NIPBL: variants seen among roughly 807,000 people sequenced by gnomAD.
The protein encoded by NIPBL is NIPBL cohesin loading factor, also known as nipped-B-like protein.
Under a neutral mutation model 321.8 loss-of-function variants are expected in NIPBL, and 19 were observed. The ratio of observed to expected loss-of-function variants is 0.06; its 90% CI spans 0.04 to 0.09. The LOEUF is 0.09. Among genes scored for constraint, NIPBL ranks in the 10% least tolerant of loss-of-function variants. The pLI is 1.00. For synonymous variants in NIPBL, 1,106 were observed against 1,114.1 expected (o/e 0.99, Z 0.14); for missense variants, 2,210 against 3,327.0 (o/e 0.66, Z 8.26).
chr5:37,027,492 TGTATGATTTAAAAGAACC>T, intron 32 of NIPBL, 80 bp downstream of exon 32: 9 of 1,012,390 alleles, frequency 8.9e-6, no homozygotes, highest in Non-Finnish European at 1.4e-5. Flanking sequence ...TTTTTTGGAC[TGTATGATTTAAAAGAACC>T]TTTTTAGTTC....
At chr5:37,019,916 A>G (rs1239825430) in intron 25 of NIPBL, among the ~76,000 whole-genome samples, 2 of 152,218 alleles carry the variant, frequency 1.3e-5, no homozygotes, top group Admixed American at 6.5e-5. Flanking sequence ...CTGGTGGGAT[A>G]TGCAATTGAA....
At chr5:37,036,026 A>T (rs1054520111) in intron 32 of NIPBL, among the ~76,000 whole-genome samples, 1 of 152,080 alleles carries the variant, frequency 6.6e-6, no homozygotes, top group Non-Finnish European at 1.5e-5. Flanking sequence ...TTCAACTAGT[A>T]TTATGTGATA....
intron 1 of NIPBL, among the ~76,000 whole-genome samples, chr5:36,952,053 T>TGTGTGTGTGTGTGTGTGTGCGTGCGCGC (rs778597604): frequency 2.7e-5 from 3 of 112,114 alleles, no homozygotes; most frequent in African/African-American, 6.2e-5. Flanking sequence ...TGTGTGTGTG[T>TGTGTGTGTGTGTGTGTGTGCGTGCGCGC]GCGCGCGCGC....
intron 1 of NIPBL, among the ~76,000 whole-genome samples, chr5:36,931,663 T>C (rs1267782665): frequency 1.3e-5 from 2 of 152,140 alleles, no homozygotes; most frequent in East Asian, 3.8e-4. Flanking sequence ...CTCTCCTTCA[T>C]TTCTGATTTT....
chr5:36,961,433 C>T lies in NIPBL; in HGVS notation c.359-51C>T, dbSNP rs747088520. ...TAACTGATTTCAGTTATTTAAAGGACACTTTACTGTTAGAAGAAAATAACG... is the reference window on the plus strand; with the variant it reads ...TAACTGATTTCAGTTATTTAAAGGATACTTTACTGTTAGAAGAAAATAACG... On this transcript the variant is annotated intron_variant, in intron 4 of 46. Coordinates refer to ENST00000282516, the MANE Select transcript of NIPBL (RefSeq NM_133433.4). 8 of 1,037,064 alleles carry T rather than the reference C, an allele frequency of 7.7e-6. No individual in the cohort carries two copies. The Admixed American group carries it at 1.4e-4, about 18-fold the overall frequency. 64.2% of individuals were successfully genotyped at this position (1,037,064 alleles called of 1,614,324 possible). A position where few individuals can be genotyped will look rare whatever the true frequency, so the allele number is the denominator to read the frequency against.
At chr5:37,036,347 GTATATATATA>G (rs10554564) in intron 32 of NIPBL, 22 bp from the exon 33 acceptor site, 6 of 384,512 alleles carry the variant, frequency 1.6e-5, no homozygotes, top group African/African-American at 2.4e-5. Flanking sequence ...ATATATATAT[GTATATATATA>G]TATATATATA....
intron 9 of NIPBL, among the ~76,000 whole-genome samples, chr5:36,977,416 A>G (rs1743601551): frequency 6.6e-6 from 1 of 151,874 alleles, no homozygotes; most frequent in Admixed American, 6.6e-5. Flanking sequence ...CATGCTGAAG[A>G]TTAGTATTAT....
chr5:36,946,656 C>G (rs1405197160), intron 1 of NIPBL, among the ~76,000 whole-genome samples: 1 of 151,778 alleles, frequency 6.6e-6, no homozygotes, highest in Non-Finnish European at 1.5e-5. Context: ...AAAAAATTAA[C>G]ATTAGCAAAG....
chr5:36,941,567 A>G (rs995647880), intron 1 of NIPBL, among the ~76,000 whole-genome samples: 5 of 150,624 alleles, frequency 3.3e-5, no homozygotes, highest in African/African-American at 7.3e-5. Context: ...AGGTTTAATT[A>G]AAGAGTTTGT....
intron 11 of NIPBL, among the ~76,000 whole-genome samples, chr5:37,000,035 C>T (rs1174754029): frequency 6.6e-6 from 1 of 152,104 alleles, no homozygotes; most frequent in Non-Finnish European, 1.5e-5. Flanking sequence ...GTTTTACAGC[C>T]TCAATTAATC....
rs904487205 is a variant in NIPBL at position 37,066,000 on chromosome 5, T to C, written c.*1108T>C. 7 of 152,232 alleles carry C rather than the reference T, an allele frequency of 4.6e-5. No homozygotes were observed. The highest frequency in any genetic ancestry group is 3.9e-4 in the Admixed American group (6 of 15,272). 9.4% of individuals were successfully genotyped at this position (152,232 alleles called of 1,614,324 possible). The stretch of plus-strand genomic sequence containing the variant: ...ACACTTCATAATTACACTCACTACA[T>C]TTTTCACAAATTATTTTTTAATGCT... On this transcript the variant is annotated 3_prime_UTR_variant, in exon 47 of 47. Transcript: ENST00000282516.
intron 1 of NIPBL, chr5:36,885,849 A>G: frequency 1.4e-6 from 1 of 704,894 alleles, no homozygotes. Context: ...ATGAAGGAGA[A>G]CCACGAAGAG....
intron 1 of NIPBL, among the ~76,000 whole-genome samples, chr5:36,939,571 G>T (rs943640423): frequency 9.9e-5 from 15 of 152,078 alleles, no homozygotes; most frequent in African/African-American, 3.1e-4. Context: ...CCAGCTTTTC[G>T]CTATTATGAA....
intron 1 of NIPBL, among the ~76,000 whole-genome samples, chr5:36,927,075 C>A (rs1209318492): frequency 6.6e-6 from 1 of 152,234 alleles, no homozygotes; most frequent in East Asian, 1.9e-4. Context: ...TGTATATTCT[C>A]CCTCTAATAT....
intron 32 of NIPBL, among the ~76,000 whole-genome samples, chr5:37,032,386 CGT>C (rs58831894): frequency 0.12 from 14,637 of 123,362 alleles, 911 homozygotes; most frequent in Non-Finnish European, 0.15. Context: ...TACATGTATA[CGT>C]GTGTGTGTGT....
chr5:37,007,013 T>G (rs1222648393), intron 17 of NIPBL, among the ~76,000 whole-genome samples: 1 of 151,928 alleles, frequency 6.6e-6, no homozygotes, highest in Non-Finnish European at 1.5e-5. Flanking sequence ...ATCTATTGTA[T>G]AACTGCAAAT....
intron 1 of NIPBL, among the ~76,000 whole-genome samples, chr5:36,943,278 G>A (rs557068350): frequency 3.9e-5 from 6 of 152,164 alleles, no homozygotes; most frequent in African/African-American, 1.4e-4. Flanking sequence ...TCAAAAATTT[G>A]TCAATTATAA....
intron 24 of NIPBL, 66 bp from the exon 25 acceptor site, chr5:37,019,245 C>A: frequency 9.8e-7 from 1 of 1,018,402 alleles, no homozygotes; most frequent in Non-Finnish European, 1.6e-6. Context: ...TTTGTGTTTA[C>A]AATTAGGTGA....
At chr5:36,982,104 A>G (rs1160709925) in intron 9 of NIPBL, 10 of 370,966 alleles carry the variant, frequency 2.7e-5, no homozygotes, top group Non-Finnish European at 3.7e-5. Context: ...GAATATCAGC[A>G]TCTGGATGAC....
Sources: gnomAD v4.1 joint callset for allele counts (sites outside exome capture counted in the v4.1 genomes callset) on GRCh38, gnomAD v4.1.1 for gene constraint, MANE v1.5 for transcripts, NCBI Gene and HGNC (gene_info 2026-07-23, HGNC 2026-07-21) for gene names.